Variants in HLA-DQA1 observed in about 807,000 individuals in gnomAD.
The protein encoded by HLA-DQA1 is HLA class II histocompatibility antigen, DQ alpha 1 chain.
In HLA-DQA1, 10 loss-of-function variants were observed where a neutral mutation model predicts 20.7. The observed-to-expected ratio is 0.48, with a 90% CI of 0.30 to 0.82. The LOEUF (loss-of-function observed/expected upper bound fraction) is 0.82, where lower values mean the gene tolerates loss of function less well. Ranked by LOEUF, HLA-DQA1 falls within the 40% of genes least tolerant of loss-of-function variation. HLA-DQA1 has a pLI of 0.07. For missense variants in HLA-DQA1, 127 were observed against 293.0 expected, an observed-to-expected ratio of 0.43 and a Z score of 4.14; for synonymous variants, 39 against 109.2, an observed-to-expected ratio of 0.36 and a Z score of 4.01.
intron 1 of HLA-DQA1, among the ~76,000 whole-genome samples, chr6:32,640,557 G>GA (rs75874670): frequency 0.035 from 2,638 of 76,454 alleles, 670 homozygotes; most frequent in East Asian, 0.086. Context: ...TCCTTCACAG[G>GA]AAAAAAAAAA....
chr6:32,652,503 C>T, the HLA-DQA1 span, among the ~76,000 whole-genome samples: 2 of 151,628 alleles, frequency 1.3e-5, no homozygotes, highest in African/African-American at 4.8e-5. Context: ...AAAAGGGATC[C>T]TACTATAGCA....
the HLA-DQA1 span, among the ~76,000 whole-genome samples, chr6:32,654,190 G>GC: frequency 6.9e-5 from 7 of 100,766 alleles, 2 homozygotes; most frequent in Admixed American, 4.9e-4. Flanking sequence ...AGTAGTCCCA[G>GC]CTACTCCAGA....
In HLA-DQA1 at chr6:32,641,973, G is replaced by T. The variant is rs1271984815; in HGVS notation, c.333G>T (p.Glu111Asp). ...ACCAGTGCTGTTTCCTCACCACAGA[G>T]GTTCCTGAGGTCACAGTGTTTTCCA... Reference protein sequence around the residue: ...KRYNSTAATNEVPEVTVFSKS... With the variant: ...KRYNSTAATNDVPEVTVFSKS... Residue 111 changes from glutamate to aspartate, a missense_variant and splice_region_variant, in exon 3 of 5, where the codon GAG (glutamate) becomes GAT (aspartate). Physicochemically the swap from Glu to Asp is conservative, Grantham distance 45. This residue lies in a region of HLA-DQA1 where 30 missense variants were observed against 39.9 expected (regional missense o/e 0.75). Coordinates refer to ENST00000343139, the MANE Select transcript of HLA-DQA1 (RefSeq NM_002122.5). 2 of 1,544,816 alleles carry T rather than the reference G, an allele frequency of 1.3e-6. No individual in the cohort carries two copies. Among genetic ancestry groups the T allele is most frequent in the Non-Finnish European group, 1.7e-6 (2 of 1,148,090 alleles).
Position 32,643,137 on chromosome 6 carries a change from AT to A in HLA-DQA1, c.*216del, listed in dbSNP as rs370082503. On this transcript the variant is annotated 3_prime_UTR_variant, in exon 5 of 5. Transcript: ENST00000343139. ...TTTACATTCTTTCCCTGACCTCCTG[AT>A]TTTTTTTTTCTTTTCTCAAATGTTA... The A allele has an allele frequency of 0.17, 47,300 of 285,658 alleles. 11,265 individuals carry two copies. Among genetic ancestry groups the A allele is most frequent in the Middle Eastern group, 0.33 (668 of 2,016 alleles). 17.7% of individuals were successfully genotyped at this position (285,658 alleles called of 1,614,324 possible).
At chr6:32,652,730 A>T in the HLA-DQA1 span, among the ~76,000 whole-genome samples, 76,364 of 138,500 alleles carry the variant, frequency 0.55, 22,098 homozygotes, top group Middle Eastern at 0.7. Flanking sequence ...AGGAAGGGTA[A>T]CAATGTCAAT....
At chr6:32,646,526 A>G (rs9273264), downstream of HLA-DQA1, 8 of 73,630 alleles carry the variant, frequency 1.1e-4, no homozygotes, top group East Asian at 4.6e-4. Context: ...CACTGTGCTC[A>G]CTCCAGCCTA....
the HLA-DQA1 span, among the ~76,000 whole-genome samples, chr6:32,652,986 C>T: frequency 4.7e-5 from 7 of 149,310 alleles, no homozygotes; most frequent in Admixed American, 4.7e-4. Flanking sequence ...GGGTTTAGGA[C>T]ATTTATACCC....
Position 32,640,480 on chromosome 6 carries a change from C to T in HLA-DQA1, c.83-830C>T, listed in dbSNP as rs117098085. On this transcript the variant is annotated intron_variant, in intron 1 of 4. Transcript: ENST00000343139. ...CTGCTCTGGCATCCTCAGACAAGCACACTGCCCATTAGAGGAAAAAGTGTG... is the reference window on the plus strand; with the variant it reads ...CTGCTCTGGCATCCTCAGACAAGCATACTGCCCATTAGAGGAAAAAGTGTG... Among the ~76,000 whole-genome samples, 15 of 73,544 alleles carry T rather than the reference C, an allele frequency of 2.0e-4. No individual in the cohort carries two copies. In the East Asian group the frequency reaches 2.5e-3, roughly 12 times the overall value. 48.2% of individuals were successfully genotyped at this position (73,544 alleles called of 152,430 possible).
At position 32,641,477 on chromosome 6, in the gene HLA-DQA1, G is replaced by C; in HGVS notation, c.250G>C (p.Gly84Arg). Reference sequence around the variant, plus strand: ...CAAATTTGGAGGTTTTGACCCGCAGGGTGCACTGAGAAACATGGCTGTGGC... The same window carrying C: ...CAAATTTGGAGGTTTTGACCCGCAGCGTGCACTGAGAAACATGGCTGTGGC... ...FSKFGGFDPQGALRNMAVAKH... is the reference protein window; with the variant it reads ...FSKFGGFDPQRALRNMAVAKH... The change falls in exon 2 of 5, where the codon GGT becomes CGT. Residue 84 changes from glycine (G) to arginine (R), a missense_variant. Around this residue, in one of 4 missense-constraint regions of HLA-DQA1, gnomAD observed 15 missense variants for 56.2 expected, o/e 0.27. Coordinates refer to ENST00000343139, the MANE Select transcript of HLA-DQA1 (RefSeq NM_002122.5). 2 of 1,013,232 alleles carry C rather than the reference G, an allele frequency of 2.0e-6. 1 individual carries two copies. Among genetic ancestry groups the C allele is most frequent in the Non-Finnish European group, 2.7e-6 (2 of 739,574 alleles). The allele number at this position is 1,013,232 out of a possible 1,614,324, so 62.8% of individuals were successfully genotyped here. A position where few individuals can be genotyped will look rare whatever the true frequency, so the allele number is the denominator to read the frequency against.
At position 32,642,844 on chromosome 6, in the gene HLA-DQA1, C is replaced by G. The variant is rs9272816; in HGVS notation, c.*20+60C>G. 2.1e-5 allele frequency: 18 copies of G among 856,762 alleles called. 1 individual carries two copies. Among genetic ancestry groups the G allele is most frequent in the South Asian group, 1.5e-4 (10 of 68,554 alleles). The allele number at this position is 856,762 out of a possible 1,614,324, so 53.1% of individuals were successfully genotyped here. Reference sequence around the variant, plus strand: ...TATGAAAGGAAGGAAAGTGGGAGGGCGTTGTGGACATGAATGTGGTTGAAA... The same window carrying G: ...TATGAAAGGAAGGAAAGTGGGAGGGGGTTGTGGACATGAATGTGGTTGAAA... On this transcript the variant is annotated intron_variant, in intron 4 of 4. Transcript: ENST00000343139.
chr6:32,654,308 G>C, the HLA-DQA1 span, among the ~76,000 whole-genome samples: 3 of 94,192 alleles, frequency 3.2e-5, no homozygotes, highest in African/African-American at 1.1e-4. Context: ...AAAAAAAAAA[G>C]TACAAAGTTT....
intron 1 of HLA-DQA1, chr6:32,639,165 G>A (rs28383365): frequency 0.19 from 33,095 of 178,104 alleles, 8,030 homozygotes; most frequent in Admixed American, 0.3. Context: ...GGTCAGGCTT[G>A]GCTCATTCAT....
At chr6:32,651,038 G>C (rs1391700693), downstream of HLA-DQA1, among the ~76,000 whole-genome samples, 3 of 83,918 alleles carry the variant, frequency 3.6e-5, 1 homozygote, top group African/African-American at 1.2e-4. Flanking sequence ...ATAGGCGCCC[G>C]CCATCACGTC....
At chr6:32,648,324 CAA>C (rs70996706), downstream of HLA-DQA1, among the ~76,000 whole-genome samples, 31,578 of 86,940 alleles carry the variant, frequency 0.36, 12,600 homozygotes, top group Middle Eastern at 0.43. Flanking sequence ...AGAGACACAA[CAA>C]AAAAAAGAGC....
At chr6:32,655,140 C>CA in the HLA-DQA1 span, among the ~76,000 whole-genome samples, 44,522 of 101,842 alleles carry the variant, frequency 0.44, 8,847 homozygotes, top group Middle Eastern at 0.56. Flanking sequence ...TCACATGTAT[C>CA]AAAAAGTCAT....
chr6:32,646,239 T>C (rs1472982489), downstream of HLA-DQA1: 1 of 146,676 alleles, frequency 6.8e-6, no homozygotes, highest in Non-Finnish European at 1.5e-5. Flanking sequence ...AAGTGTGACT[T>C]CATTAATACT....
rs9272818 is a variant in HLA-DQA1 at position 32,642,846 on chromosome 6, T to C, written c.*20+62T>C. 18 of 580,604 alleles carry C rather than the reference T, an allele frequency of 3.1e-5. 1 individual carries two copies. The highest frequency in any genetic ancestry group is 2.2e-4 in the South Asian group (10 of 44,876). 36.0% of individuals were successfully genotyped at this position (580,604 alleles called of 1,614,324 possible). A position where few individuals can be genotyped will look rare whatever the true frequency, so the allele number is the denominator to read the frequency against. On this transcript the variant is annotated intron_variant, in intron 4 of 4. Coordinates refer to ENST00000343139, the MANE Select transcript of HLA-DQA1 (RefSeq NM_002122.5). Reference sequence around the variant, plus strand: ...TGAAAGGAAGGAAAGTGGGAGGGCGTTGTGGACATGAATGTGGTTGAAAGT... The same window carrying C: ...TGAAAGGAAGGAAAGTGGGAGGGCGCTGTGGACATGAATGTGGTTGAAAGT...
At chr6:32,645,436 T>A (rs1340799952), downstream of HLA-DQA1, 5 of 145,544 alleles carry the variant, frequency 3.4e-5, no homozygotes, top group Admixed American at 2.1e-4. Context: ...ATCTCTTGCA[T>A]GCACAGTTAA....
At chr6:32,640,852 A>G (rs9272656) in intron 1 of HLA-DQA1, among the ~76,000 whole-genome samples, 27,228 of 91,458 alleles carry the variant, frequency 0.3, 6,314 homozygotes, top group East Asian at 0.41. Context: ...AGAGTGTCCT[A>G]TTCTGAGCCA....
Sources: gnomAD v4.1 joint callset for allele counts (sites outside exome capture counted in the v4.1 genomes callset) on GRCh38, gnomAD v4.1.1 for gene constraint, gnomAD v4.1.1 regional missense constraint, MANE v1.5 for transcripts, NCBI Gene and HGNC (gene_info 2026-07-23, HGNC 2026-07-21) for gene names.